Variants in CGNL1 observed in about 807,000 individuals in gnomAD.
CGNL1 encodes cingulin like 1.
A neutral mutation model predicts 141.2 loss-of-function variants in CGNL1; 132 were observed. That is an observed-to-expected ratio of 0.93 (90% CI 0.81 to 1.08). The LOEUF is 1.08. Ranked by LOEUF, CGNL1 falls within the 50% of genes least tolerant of loss-of-function variation. CGNL1 has a pLI of 0.00. For synonymous variants in CGNL1, 690 were observed against 622.1 expected, an observed-to-expected ratio of 1.11 and a Z score of -1.63; for missense variants, 1,870 against 1,588.6, an observed-to-expected ratio of 1.18 and a Z score of -3.01.
chr15:57,439,422 G>T lies in CGNL1; in HGVS notation c.1423G>T (p.Gly475Cys), dbSNP rs377706066. ...NIDGKVLETE[G>C]SQESTVIRAP... is the part of the protein sequence containing the mutation. Reference sequence around the variant, plus strand: ...AGATGGGAAAGTTCTGGAAACCGAAGGTAGTCAGGAAAGTACAGTGATCCG... The same window carrying T: ...AGATGGGAAAGTTCTGGAAACCGAATGTAGTCAGGAAAGTACAGTGATCCG... Residue 475 changes from glycine (G) to cysteine (C), a missense_variant, in exon 2 of 19, where the codon GGT (glycine) becomes TGT (cysteine). By Grantham distance (159) the Gly-to-Cys change is radical (BLOSUM62 -3). Transcript: ENST00000281282. 6.2e-7 allele frequency: 1 copy of T among 1,614,086 alleles called. No individual in the cohort carries two copies. The highest frequency in any genetic ancestry group is 1.3e-5 in the African/African-American group (1 of 74,932).
chr15:57,533,146 C>T (rs141413982), intron 14 of CGNL1, among the ~76,000 whole-genome samples: 85 of 152,324 alleles, frequency 5.6e-4, no homozygotes, highest in African/African-American at 1.9e-3. Context: ...TGCTCCTTTG[C>T]TCCTGAGAGT....
intron 8 of CGNL1, among the ~76,000 whole-genome samples, chr15:57,490,144 A>C (rs1049424721): frequency 1.7e-4 from 26 of 152,316 alleles, no homozygotes; most frequent in African/African-American, 6.0e-4. Context: ...ATAAGCAATA[A>C]AAATCAGGAA....
chr15:57,438,357 C>T lies in CGNL1; in HGVS notation c.358C>T (p.Pro120Ser). Residue 120 changes from proline (P) to serine (S), a missense_variant, in exon 2 of 19, where the codon CCC (proline) becomes TCC (serine). Transcript: ENST00000281282. Reference protein sequence around the residue: ...QPSPIRNLKQPLLHEGKNGVL... With the variant: ...QPSPIRNLKQSLLHEGKNGVL... The stretch of plus-strand genomic sequence containing the variant: ...TAGCCCAATAAGAAACCTGAAACAG[C>T]CCCTGCTCCATGAGGGCAAGAATGG... The T allele has an allele frequency of 1.9e-6, 3 of 1,614,122 alleles. No homozygotes were observed. The highest frequency in any genetic ancestry group is 2.5e-6 in the Non-Finnish European group (3 of 1,180,020).
At chr15:57,543,927 T>A (rs1908188) in intron 15 of CGNL1, 148 bp downstream of exon 15, 144,252 of 594,464 alleles carry the variant, frequency 0.24, 21,286 homozygotes, top group Non-Finnish European at 0.31. Flanking sequence ...CCAGAGTTGT[T>A]TTTCCCGGTC....
chr15:57,521,928 C>G (rs1400755914), intron 10 of CGNL1, among the ~76,000 whole-genome samples: 1 of 152,138 alleles, frequency 6.6e-6, no homozygotes, highest in Non-Finnish European at 1.5e-5. Context: ...TTGTTGTTTT[C>G]ACAGATTGAC....
At chr15:57,478,008 AAATT>A (rs2063678361) in intron 8 of CGNL1, among the ~76,000 whole-genome samples, 1 of 152,206 alleles carries the variant, frequency 6.6e-6, no homozygotes. Flanking sequence ...ACACTAGTAG[AAATT>A]AATTAGAGTC....
chr15:57,543,719 A>G lies in CGNL1; in HGVS notation c.3315A>G (p.Leu1105=), dbSNP rs200932738. 24 of 1,613,952 alleles carry G rather than the reference A, an allele frequency of 1.5e-5. No individual in the cohort carries two copies. The highest frequency in any genetic ancestry group is 8.8e-5 in the South Asian group (8 of 91,062). Residue 1105 remains leucine, a synonymous_variant, in exon 15 of 19, where the codon CTA becomes CTG. Coordinates refer to ENST00000281282, the MANE Select transcript of CGNL1 (RefSeq NM_032866.5). The part of the protein sequence containing the change: ...REQMEQLRNE[L]LQERAARQDL... ...AGATGGAGCAGTTGAGGAATGAGCTACTTCAGGAGAGAGCTGCGAGACAAG... is the reference window on the plus strand; with the variant it reads ...AGATGGAGCAGTTGAGGAATGAGCTGCTTCAGGAGAGAGCTGCGAGACAAG...
chr15:57,484,151 A>G (rs1189854207), intron 8 of CGNL1, among the ~76,000 whole-genome samples: 1 of 152,116 alleles, frequency 6.6e-6, no homozygotes, highest in Non-Finnish European at 1.5e-5. Flanking sequence ...TTCCTCTTCT[A>G]TTTTCTGGAA....
intron 1 of CGNL1, among the ~76,000 whole-genome samples, chr15:57,389,928 A>G (rs1238761380): frequency 1.3e-5 from 2 of 151,718 alleles, no homozygotes; most frequent in Non-Finnish European, 2.9e-5. Flanking sequence ...CGATTCTTCT[A>G]TCTCAGCCTC....
intron 1 of CGNL1, among the ~76,000 whole-genome samples, chr15:57,435,412 T>C (rs1244079869): frequency 2.1e-5 from 2 of 93,824 alleles, no homozygotes; most frequent in African/African-American, 7.7e-5. Flanking sequence ...TGCAGGTTTT[T>C]TTGTTTTTTT....
intron 1 of CGNL1, among the ~76,000 whole-genome samples, chr15:57,397,438 C>G (rs1436754548): frequency 6.6e-6 from 1 of 152,168 alleles, no homozygotes. Flanking sequence ...GATCCTAACT[C>G]TCTTAGTATC....
At chr15:57,398,081 C>A (rs765654966) in intron 1 of CGNL1, among the ~76,000 whole-genome samples, 2 of 152,072 alleles carry the variant, frequency 1.3e-5, no homozygotes, top group African/African-American at 4.8e-5. Flanking sequence ...ATACCCAGCA[C>A]CATTTAAATT....
Position 57,451,496 on chromosome 15 carries a change from A to G in CGNL1, c.1804-4A>G, listed in dbSNP as rs1195900195. Reference sequence around the variant, plus strand: ...AATTAGTATATCTTTGCAATTAATTATAGGCTTGTAATTCCACATCTGAAG... The same window carrying G: ...AATTAGTATATCTTTGCAATTAATTGTAGGCTTGTAATTCCACATCTGAAG... On this transcript the variant is annotated splice_polypyrimidine_tract_variant and splice_region_variant and intron_variant, in intron 4 of 18. Transcript: ENST00000281282. The G allele has an allele frequency of 9.4e-6, 15 of 1,593,900 alleles. No homozygotes were observed. Among genetic ancestry groups the G allele is most frequent in the Non-Finnish European group, 1.1e-5 (13 of 1,166,110 alleles).
At chr15:57,494,371 A>C (rs1322116279) in intron 8 of CGNL1, among the ~76,000 whole-genome samples, 1 of 151,830 alleles carries the variant, frequency 6.6e-6, no homozygotes. Context: ...TGTCTCTAGG[A>C]CCCTCCTGTG....
intron 8 of CGNL1, among the ~76,000 whole-genome samples, chr15:57,469,354 G>T (rs996993945): frequency 1.3e-5 from 2 of 151,096 alleles, no homozygotes; most frequent in Admixed American, 1.3e-4. Flanking sequence ...GAGGAGCAGG[G>T]CTGCCCTATC....
At chr15:57,384,698 C>T (rs1002311442) in intron 1 of CGNL1, among the ~76,000 whole-genome samples, 10 of 152,034 alleles carry the variant, frequency 6.6e-5, no homozygotes, top group African/African-American at 2.2e-4. Context: ...AAAAAAATTG[C>T]CATAAACTTT....
intron 1 of CGNL1, among the ~76,000 whole-genome samples, chr15:57,424,584 G>A (rs554591899): frequency 8.5e-5 from 13 of 152,262 alleles, no homozygotes; most frequent in South Asian, 8.3e-4. Flanking sequence ...ATACTACCAC[G>A]CCATTCCAGT....
intron 8 of CGNL1, among the ~76,000 whole-genome samples, chr15:57,475,490 GTGGTGT>G (rs2063641059): frequency 8.4e-6 from 1 of 118,680 alleles, no homozygotes; most frequent in South Asian, 3.3e-4. Context: ...ATATACAAGT[GTGGTGT>G]GTGTGTGTGT....
Position 57,439,179 on chromosome 15 carries a change from C to T in CGNL1, c.1180C>T (p.Pro394Ser), listed in dbSNP as rs866558834. The T allele has an allele frequency of 1.2e-6, 2 of 1,614,188 alleles. No individual in the cohort carries two copies. Among genetic ancestry groups the T allele is most frequent in the Admixed American group, 1.7e-5 (1 of 60,032 alleles). The part of the protein sequence containing the change: ...KRSRSVDSAF[P>S]FGLQGNSEYL... ...ATCCAGAAGCGTGGATAGCGCCTTT[C>T]CTTTTGGCCTCCAAGGGAACTCGGA... The change falls in exon 2 of 19, where the codon CCT becomes TCT. Residue 394 changes from proline (P) to serine (S), a missense_variant. By Grantham distance (74) the Pro-to-Ser change is moderately conservative (BLOSUM62 -1). Transcript: ENST00000281282.
Sources: allele counts gnomAD v4.1 joint callset (sites outside exome capture counted in the v4.1 genomes callset), GRCh38; gene constraint gnomAD v4.1.1; transcripts MANE v1.5; gene names NCBI Gene and HGNC (gene_info 2026-07-23, HGNC 2026-07-21).